FLT3: variants seen among roughly 807,000 people sequenced by gnomAD.
FLT3 encodes the protein fms related receptor tyrosine kinase 3.
In FLT3, 46 loss-of-function variants were observed where a neutral mutation model predicts 126.6. That is an observed-to-expected ratio of 0.36 (90% confidence interval 0.29 to 0.46). FLT3 has a LOEUF of 0.46. FLT3 is among the 20% of genes least tolerant of loss of function. The pLI is 1.00. For missense variants in FLT3, 1,069 were observed against 1,190.3 expected (o/e 0.90, Z 1.50); for synonymous variants, 404 against 434.4 (o/e 0.93, Z 0.87).
chr13:28,017,434 A>G (rs890890029), intron 20 of FLT3, among the ~76,000 whole-genome samples: 1 of 152,016 alleles, frequency 6.6e-6, no homozygotes, highest in African/African-American at 2.4e-5. Flanking sequence ...ACCATGTTCC[A>G]TAGGCTGGTC....
At chr13:28,059,809 C>T (rs1593273791) in intron 3 of FLT3, among the ~76,000 whole-genome samples, 1 of 151,692 alleles carries the variant, frequency 6.6e-6, no homozygotes, top group Admixed American at 6.6e-5. Context: ...AAAATACAAA[C>T]ATTAGCTGGG....
chr13:28,087,081 A>G (rs1391446931), intron 1 of FLT3, among the ~76,000 whole-genome samples: 1 of 152,176 alleles, frequency 6.6e-6, no homozygotes, highest in Non-Finnish European at 1.5e-5. Context: ...ATAGAACTAC[A>G]CATTTATATT....
At chr13:28,007,542 C>A (rs1382252512) in intron 23 of FLT3, among the ~76,000 whole-genome samples, 9 of 152,122 alleles carry the variant, frequency 5.9e-5, no homozygotes, top group Non-Finnish European at 1.5e-5. Context: ...CCACCACACC[C>A]GACTTCTTTT....
At chr13:28,045,557 T>C (rs1874774641) in intron 9 of FLT3, among the ~76,000 whole-genome samples, 2 of 152,130 alleles carry the variant, frequency 1.3e-5, no homozygotes, top group Admixed American at 1.3e-4. Flanking sequence ...TCTCCAACCT[T>C]CTACATTTAA....
chr13:28,057,994 G>A (rs1042648487), intron 3 of FLT3, among the ~76,000 whole-genome samples: 59 of 151,146 alleles, frequency 3.9e-4, no homozygotes, highest in African/African-American at 1.4e-3. Context: ...AGCTCAGGTC[G>A]CACCACTGCA....
chr13:28,034,983 C>T (rs1240101741), intron 12 of FLT3, among the ~76,000 whole-genome samples: 2 of 151,706 alleles, frequency 1.3e-5, no homozygotes, highest in Admixed American at 1.3e-4. Context: ...ACAGGATGTA[C>T]AAGTCAGAGA....
intron 15 of FLT3, among the ~76,000 whole-genome samples, chr13:28,033,041 A>T (rs971868173): frequency 3.9e-5 from 6 of 151,940 alleles, no homozygotes; most frequent in Non-Finnish European, 7.4e-5. Context: ...TCCTACCCAG[A>T]GTCTGTTTCA....
intron 2 of FLT3, among the ~76,000 whole-genome samples, chr13:28,063,440 A>C (rs561927685): frequency 1.3e-5 from 2 of 152,342 alleles, no homozygotes; most frequent in Admixed American, 1.3e-4. Context: ...AGATCCCGCC[A>C]ATGCACTCCA....
chr13:28,040,154 C>A (rs1446669065), intron 9 of FLT3, among the ~76,000 whole-genome samples: 3 of 152,110 alleles, frequency 2.0e-5, no homozygotes, highest in African/African-American at 4.8e-5. Context: ...ACAGCAAATT[C>A]AAAAAATTGG....
chr13:28,018,716 T>C (rs1289452493), intron 19 of FLT3, 127 bp from the exon 20 acceptor site: 2 of 964,616 alleles, frequency 2.1e-6, no homozygotes, highest in Non-Finnish European at 3.1e-6. Context: ...TACTGGGCTG[T>C]GCCGTGAGCG....
rs5802460 is a variant in FLT3 at position 28,026,352 on chromosome 13, GAAAA to G, written c.2207+732_2207+735del. On this transcript the variant is annotated intron_variant, in intron 17 of 23. Transcript: ENST00000241453. ...TAGGCAACAGAGCGAAACTCTGTCTGAAAAAAAAAAAAAAAAAAAAAAGAATGCT... is the reference window on the plus strand; with the variant it reads ...TAGGCAACAGAGCGAAACTCTGTCTGAAAAAAAAAAAAAAAAAAGAATGCT... Among the ~76,000 whole-genome samples the G allele has an allele frequency of 2.0e-4, 16 of 78,892 alleles. No individual in the cohort carries two copies. The East Asian group carries it at 5.6e-3, about 28-fold the overall frequency. 51.8% of individuals were successfully genotyped at this position (78,892 alleles called of 152,430 possible). A position where few individuals can be genotyped will look rare whatever the true frequency, so the allele number is the denominator to read the frequency against.
intron 17 of FLT3, 132 bp downstream of exon 17, chr13:28,026,956 G>A: frequency 1.4e-6 from 1 of 737,696 alleles, no homozygotes; most frequent in Non-Finnish European, 2.3e-6. Context: ...CAAAGATTCA[G>A]GAAATCTCTA....
chr13:28,060,588 A>C (rs1287801791), intron 3 of FLT3, among the ~76,000 whole-genome samples: 1 of 10,582 alleles, frequency 9.5e-5, no homozygotes, highest in Non-Finnish European at 6.3e-4. Flanking sequence ...GTATAGGTTT[A>C]ACTTAATAGA....
intron 3 of FLT3, among the ~76,000 whole-genome samples, chr13:28,060,421 CAAA>C (rs11326702): frequency 1.0e-5 from 1 of 95,338 alleles, no homozygotes; most frequent in Non-Finnish European, 2.1e-5. Flanking sequence ...AACTCTGCCT[CAAA>C]AAAAAAAAAA....
intron 22 of FLT3, among the ~76,000 whole-genome samples, 159 bp from the exon 23 acceptor site, chr13:28,014,716 C>T (rs1255132537): frequency 6.6e-6 from 1 of 151,964 alleles, no homozygotes; most frequent in Non-Finnish European, 1.5e-5. Flanking sequence ...AATTCATATC[C>T]GAAAGGAGAA....
Position 28,034,073 on chromosome 13 carries a change from C to T in FLT3, c.1837+9G>A, listed in dbSNP as rs1873603638. 6.2e-7 allele frequency: 1 copy of T among 1,613,678 alleles called. No individual in the cohort carries two copies. The highest frequency in any genetic ancestry group is 1.1e-5 in the South Asian group (1 of 90,896). Reference sequence around the variant, plus strand: ...TGCTGCAGAAACATTTGGCACATTCCATTCTTACCAAACTCTAAATTTTCT... The same window carrying T: ...TGCTGCAGAAACATTTGGCACATTCTATTCTTACCAAACTCTAAATTTTCT... On this transcript the variant is annotated intron_variant, in intron 14 of 23. Coordinates refer to ENST00000241453, the MANE Select transcript of FLT3 (RefSeq NM_004119.3).
chr13:28,090,725 C>G (rs1055055557), intron 1 of FLT3, among the ~76,000 whole-genome samples: 1 of 152,114 alleles, frequency 6.6e-6, no homozygotes, highest in Non-Finnish European at 1.5e-5. Context: ...CTGCAGTGAG[C>G]CAAGATCATG....
intron 9 of FLT3, 50 bp downstream of exon 9, chr13:28,048,225 C>T: frequency 6.8e-7 from 1 of 1,467,784 alleles, no homozygotes. Context: ...GGGCGACAAG[C>T]AAGGAGAATT....
In FLT3 at chr13:28,100,385, G is replaced by C; in HGVS notation, c.43+83C>G. ...GGGGAGGAGCGAGGCGGCTGGGCCG[G>C]AGGAGGCGCGCGCCCGGGTCCACAC... On this transcript the variant is annotated intron_variant, in intron 1 of 23. Coordinates refer to ENST00000241453, the MANE Select transcript of FLT3 (RefSeq NM_004119.3). This position sits in a 1 kb window ranked among gnomAD's most constrained non-coding sequence, Gnocchi z 4.8. The C allele has an allele frequency of 2.0e-6, 2 of 995,248 alleles. No individual in the cohort carries two copies. Among genetic ancestry groups the C allele is most frequent in the Non-Finnish European group, 2.6e-6 (2 of 776,762 alleles). The allele number at this position is 995,248 out of a possible 1,614,324, so 61.7% of individuals were successfully genotyped here.
Sources: gnomAD v4.1 joint callset for allele counts (sites outside exome capture counted in the v4.1 genomes callset) on GRCh38, gnomAD v4.1.1 for gene constraint, Gnocchi (gnomAD v3.1) non-coding constraint, MANE v1.5 for transcripts, NCBI Gene and HGNC (gene_info 2026-07-23, HGNC 2026-07-21) for gene names.